The following RORB variants were observed in gnomAD, a reference collection of about 807,000 sequenced individuals.
The protein encoded by RORB is nuclear receptor ROR-beta.
A neutral mutation model predicts 59.1 loss-of-function variants in RORB; 6 were observed. That is an observed-to-expected ratio of 0.10 (90% CI 0.06 to 0.20). The LOEUF is 0.20. Among genes scored for constraint, RORB ranks in the 10% least tolerant of loss-of-function variants. The pLI is 1.00. For synonymous variants in RORB, 215 were observed against 204.5 expected, an observed-to-expected ratio of 1.05 and a Z score of -0.44; for missense variants, 320 against 560.5, an observed-to-expected ratio of 0.57 and a Z score of 4.33.
intron 9 of RORB, among the ~76,000 whole-genome samples, chr9:74,684,720 G>A (rs1824609216): frequency 6.6e-6 from 1 of 152,130 alleles, no homozygotes; most frequent in Admixed American, 6.5e-5. Flanking sequence ...TCCTAAGGAA[G>A]CTAAGTGCCA....
At chr9:74,624,679 C>T (rs1823481633) in intron 1 of RORB, among the ~76,000 whole-genome samples, 1 of 152,100 alleles carries the variant, frequency 6.6e-6, no homozygotes. Context: ...AGATACTTAT[C>T]AGTCTGCCAG....
chr9:74,598,627 C>T (rs1405128431), intron 1 of RORB, among the ~76,000 whole-genome samples: 1 of 152,026 alleles, frequency 6.6e-6, no homozygotes, highest in Admixed American at 6.6e-5. Context: ...TAGAAATTTC[C>T]TCTTAGCAAT....
At chr9:74,517,896 A>G (rs1453524603) in intron 1 of RORB, among the ~76,000 whole-genome samples, 2 of 152,068 alleles carry the variant, frequency 1.3e-5, no homozygotes, top group Non-Finnish European at 2.9e-5. Context: ...CATGTGAATT[A>G]CCTCAGTTAA....
At chr9:74,526,995 A>G (rs1826163904) in intron 1 of RORB, among the ~76,000 whole-genome samples, 1 of 151,950 alleles carries the variant, frequency 6.6e-6, no homozygotes, top group African/African-American at 2.4e-5. Context: ...AATTCCATCA[A>G]GTGCCAATAT....
chr9:74,639,595 A>C (rs1823761752), intron 3 of RORB, among the ~76,000 whole-genome samples: 1 of 152,182 alleles, frequency 6.6e-6, no homozygotes, highest in Non-Finnish European at 1.5e-5. Flanking sequence ...ATTTTGAACC[A>C]ATAAAATGCA....
intron 3 of RORB, among the ~76,000 whole-genome samples, chr9:74,639,843 T>C (rs1235908112): frequency 6.6e-6 from 1 of 152,192 alleles, no homozygotes; most frequent in Non-Finnish European, 1.5e-5. Context: ...TTTTTCCCTA[T>C]ACAAAAGGTG....
chr9:74,616,990 TA>T (rs143525638), intron 1 of RORB, among the ~76,000 whole-genome samples: 91 of 147,420 alleles, frequency 6.2e-4, no homozygotes, highest in East Asian at 2.6e-3. Flanking sequence ...GCTGTAGCTT[TA>T]AAAAAAAAAA....
At chr9:74,510,845 G>T (rs1232425522) in intron 1 of RORB, among the ~76,000 whole-genome samples, 2 of 152,052 alleles carry the variant, frequency 1.3e-5, no homozygotes, top group Non-Finnish European at 2.9e-5. Flanking sequence ...ACTTATTAAA[G>T]AATGCAAACA....
chr9:74,573,391 C>T (rs1049474951), intron 1 of RORB, among the ~76,000 whole-genome samples: 5 of 149,702 alleles, frequency 3.3e-5, no homozygotes, highest in African/African-American at 1.2e-4. Context: ...ATTTTTTCCA[C>T]AGAAGGCCAG....
Position 74,652,946 on chromosome 9 carries a change from G to A in RORB, c.638-7671G>A, listed in dbSNP as rs1229253825. Among the ~76,000 whole-genome samples, 4 of 152,074 alleles carry A rather than the reference G, an allele frequency of 2.6e-5. No individual in the cohort carries two copies. The East Asian group carries it at 7.7e-4, about 29-fold the overall frequency. Reference sequence around the variant, plus strand: ...CTGTTTTAAGCTTAAATATATCAATGGTTTTATTCTGACAGCAGAATTCTA... The same window carrying A: ...CTGTTTTAAGCTTAAATATATCAATAGTTTTATTCTGACAGCAGAATTCTA... On this transcript the variant is annotated intron_variant, in intron 4 of 9. Coordinates refer to ENST00000376896, the MANE Select transcript of RORB (RefSeq NM_006914.4).
intron 3 of RORB, among the ~76,000 whole-genome samples, chr9:74,636,952 C>G (rs1176496540): frequency 2.6e-5 from 4 of 152,124 alleles, no homozygotes; most frequent in African/African-American, 9.7e-5. Context: ...ATAGGTTTTA[C>G]CTCCTATTGA....
intron 3 of RORB, among the ~76,000 whole-genome samples, chr9:74,641,013 ACT>A (rs1300852227): frequency 1.3e-5 from 2 of 152,186 alleles, no homozygotes; most frequent in African/African-American, 4.8e-5. Context: ...GAATCCAGGA[ACT>A]GAGCCTTTTT....
intron 1 of RORB, among the ~76,000 whole-genome samples, chr9:74,512,948 G>C (rs978087412): frequency 8.5e-5 from 13 of 152,158 alleles, no homozygotes; most frequent in African/African-American, 3.1e-4. Context: ...TTTTGATGCT[G>C]AGAAAATGAT....
chr9:74,609,862 T>C (rs1489898953), intron 1 of RORB, among the ~76,000 whole-genome samples: 2 of 152,190 alleles, frequency 1.3e-5, no homozygotes, highest in Middle Eastern at 3.2e-3. Context: ...GGAAACCTGT[T>C]TGGTTGTCAT....
At chr9:74,576,141 T>C (rs918916240) in intron 1 of RORB, among the ~76,000 whole-genome samples, 4 of 152,140 alleles carry the variant, frequency 2.6e-5, no homozygotes, top group African/African-American at 9.7e-5. Context: ...GAAACCAGCA[T>C]GATCTTTAAT....
At chr9:74,628,658 T>A (rs544454381) in intron 1 of RORB, among the ~76,000 whole-genome samples, 2 of 152,240 alleles carry the variant, frequency 1.3e-5, no homozygotes, top group Non-Finnish European at 2.9e-5. Flanking sequence ...TGTCTTGCAT[T>A]TATTTGTTTT....
chr9:74,541,003 G>A (rs1280927917), intron 1 of RORB, among the ~76,000 whole-genome samples: 2 of 151,894 alleles, frequency 1.3e-5, no homozygotes, highest in Non-Finnish European at 2.9e-5. Context: ...TTGTTGAGCC[G>A]GGCACCGTGG....
chr9:74,632,263 A>G (rs1823631294), intron 2 of RORB, among the ~76,000 whole-genome samples: 1 of 152,194 alleles, frequency 6.6e-6, no homozygotes, highest in Admixed American at 6.5e-5. Flanking sequence ...TCCACAATCA[A>G]AGAAATTATG....
intron 1 of RORB, among the ~76,000 whole-genome samples, chr9:74,528,835 TC>T (rs1160087365): frequency 6.6e-6 from 1 of 151,950 alleles, no homozygotes; most frequent in African/African-American, 2.4e-5. Flanking sequence ...GGATAGGCAA[TC>T]CCGTGAAGTG....
Sources: allele counts gnomAD v4.1 joint callset (sites outside exome capture counted in the v4.1 genomes callset), GRCh38; gene constraint gnomAD v4.1.1; transcripts MANE v1.5; gene names NCBI Gene and HGNC (gene_info 2026-07-23, HGNC 2026-07-21).